The following PDS5A variants were observed in gnomAD, a reference collection of about 807,000 sequenced individuals.
PDS5A encodes PDS5 cohesin associated factor A.
In PDS5A, 42 loss-of-function variants were observed where a neutral mutation model predicts 167.1. The ratio of observed to expected loss-of-function variants is 0.25; its 90% CI spans 0.20 to 0.33. PDS5A has a LOEUF of 0.33. Ranked by LOEUF, PDS5A falls within the 10% of genes least tolerant of loss-of-function variation. PDS5A has a pLI of 1.00. For missense variants in PDS5A, 1,033 were observed against 1,605.9 expected, an observed-to-expected ratio of 0.64 and a Z score of 6.10; for synonymous variants, 553 against 554.6, an observed-to-expected ratio of 1.00 and a Z score of 0.04.
Position 39,900,614 on chromosome 4 carries a change from C to T in PDS5A, c.1500-107G>A, listed in dbSNP as rs542393959. 9 of 692,264 alleles carry T rather than the reference C, an allele frequency of 1.3e-5. No homozygotes were observed. The Admixed American group carries it at 1.4e-4, about 10-fold the overall frequency. The allele number at this position is 692,264 out of a possible 1,614,324, so 42.9% of individuals were successfully genotyped here. A position where few individuals can be genotyped will look rare whatever the true frequency, so the allele number is the denominator to read the frequency against. ...CTGTATATACACCATTCTTCTACAT[C>T]TACCTAAAAGTTTAAATACCGGGAA... On this transcript the variant is annotated intron_variant, in intron 13 of 32. Coordinates refer to ENST00000303538, the MANE Select transcript of PDS5A (RefSeq NM_001100399.2).
At chr4:39,934,270 G>A (rs899940873) in intron 2 of PDS5A, among the ~76,000 whole-genome samples, 5 of 152,170 alleles carry the variant, frequency 3.3e-5, no homozygotes, top group African/African-American at 1.2e-4. Flanking sequence ...GTCTAGTCCT[G>A]TAAGCCTGAA....
chr4:39,881,544 TAACTTA>T (rs1720931318), intron 17 of PDS5A, among the ~76,000 whole-genome samples: 1 of 152,044 alleles, frequency 6.6e-6, no homozygotes, highest in African/African-American at 2.4e-5. Context: ...GTATAAACAT[TAACTTA>T]AAGTATAATA....
intron 18 of PDS5A, among the ~76,000 whole-genome samples, chr4:39,878,595 T>TCAAA (rs1265209924): frequency 1.3e-5 from 2 of 151,978 alleles, no homozygotes; most frequent in South Asian, 2.1e-4. Flanking sequence ...AGACTCCATC[T>TCAAA]CAAACAAACA....
chr4:39,875,858 A>T (rs1327382445), intron 19 of PDS5A, among the ~76,000 whole-genome samples: 2 of 152,162 alleles, frequency 1.3e-5, no homozygotes, highest in East Asian at 3.8e-4. Context: ...ACTGTTGTTA[A>T]ATGTATTATT....
chr4:39,823,178 A>G lies in PDS5A; in HGVS notation c.*2307T>C, dbSNP rs890709848. The G allele has an allele frequency of 6.6e-6, 1 of 152,586 alleles. No individual in the cohort carries two copies. The highest frequency in any genetic ancestry group is 2.4e-5 in the African/African-American group (1 of 41,450). 9.5% of individuals were successfully genotyped at this position (152,586 alleles called of 1,614,324 possible). A position where few individuals can be genotyped will look rare whatever the true frequency, so the allele number is the denominator to read the frequency against. ...TGTGTTGTAGTTCTCTGAGATGTGA[A>G]TACCAAATTCCTAAGGGATTTTAAT... On this transcript the variant is annotated 3_prime_UTR_variant, in exon 33 of 33. Transcript: ENST00000303538.
chr4:39,915,384 G>T, intron 8 of PDS5A, among the ~76,000 whole-genome samples: 1 of 138,858 alleles, frequency 7.2e-6, no homozygotes. Flanking sequence ...GACAAGGTCT[G>T]GGTGTGGCTC....
At chr4:39,930,729 A>ATAGTAAGACTGGTGTCTTAC (rs1725983204) in intron 2 of PDS5A, among the ~76,000 whole-genome samples, 1 of 152,154 alleles carries the variant, frequency 6.6e-6, no homozygotes, top group Non-Finnish European at 1.5e-5. Flanking sequence ...CTAACATAGT[A>ATAGTAAGACTGGTGTCTTAC]TATCAAAAGT....
intron 16 of PDS5A, among the ~76,000 whole-genome samples, 178 bp from the exon 17 acceptor site, chr4:39,890,542 A>C (rs1241493896): frequency 6.6e-6 from 1 of 152,012 alleles, no homozygotes; most frequent in Admixed American, 6.6e-5. Context: ...GACAGCAGAG[A>C]AAAGAAGTGG....
chr4:39,919,799 C>T (rs951646082), intron 7 of PDS5A, among the ~76,000 whole-genome samples: 1 of 151,946 alleles, frequency 6.6e-6, no homozygotes, highest in Non-Finnish European at 1.5e-5. Flanking sequence ...ACAAATTCCT[C>T]AGTAAACCTT....
At chr4:39,900,756 G>T (rs1048449582) in intron 13 of PDS5A, among the ~76,000 whole-genome samples, 4 of 152,184 alleles carry the variant, frequency 2.6e-5, no homozygotes, top group Admixed American at 2.6e-4. Context: ...ATTGAAAGAT[G>T]TACTAAATAC....
chr4:39,829,455 C>T (rs1045176416), intron 32 of PDS5A, among the ~76,000 whole-genome samples: 2 of 151,872 alleles, frequency 1.3e-5, no homozygotes, highest in African/African-American at 4.8e-5. Context: ...TCAGGACCAG[C>T]CTGACCAATA....
At chr4:39,909,168 C>G (rs1723671520) in intron 10 of PDS5A, among the ~76,000 whole-genome samples, 1 of 151,524 alleles carries the variant, frequency 6.6e-6, no homozygotes, top group African/African-American at 2.4e-5. Flanking sequence ...GCCTGTCACC[C>G]AGGCTGGAGT....
chr4:39,898,619 A>C, intron 15 of PDS5A, 91 bp from the exon 16 acceptor site: 2 of 962,876 alleles, frequency 2.1e-6, no homozygotes, highest in South Asian at 3.7e-5. Flanking sequence ...AATATTGCGG[A>C]GCCACTAAAA....
rs199515831 is a variant in PDS5A, at chr4:39,848,909, T to C, written c.3281A>G (p.Asn1094Ser). 9 of 1,606,130 alleles carry C rather than the reference T, an allele frequency of 5.6e-6. No individual in the cohort carries two copies. The highest frequency in any genetic ancestry group is 7.7e-6 in the Non-Finnish European group (9 of 1,174,410). Residue 1094 changes from asparagine (N) to serine (S), a missense_variant, in exon 28 of 33, where the codon AAT becomes AGT. Physicochemically the swap from Asn to Ser is conservative, Grantham distance 46. Transcript: ENST00000303538. Reference protein sequence around the residue: ...CVINSKSALCNADSPKDPVLP... With the variant: ...CVINSKSALCSADSPKDPVLP... The stretch of plus-strand genomic sequence containing the variant: ...GACTGGGTCCTTTGGTGAATCTGCA[T>C]TGCACAAAGCACTTTTACTATTTAT...
chr4:39,889,278 G>GA (rs925133624), intron 17 of PDS5A, among the ~76,000 whole-genome samples: 10 of 152,156 alleles, frequency 6.6e-5, no homozygotes, highest in African/African-American at 2.4e-4. Context: ...GAGGCTTCAG[G>GA]AAAAAAATTA....
intron 2 of PDS5A, 96 bp from the exon 3 acceptor site, chr4:39,928,260 C>CAATCGGTG: frequency 1.4e-6 from 1 of 706,830 alleles, no homozygotes; most frequent in Admixed American, 2.7e-5. Flanking sequence ...TCTCCATTAG[C>CAATCGGTG]AATCGGTGGC....
At chr4:39,829,949 T>TCAAAAAAAAAAA (rs1715687192) in intron 32 of PDS5A, among the ~76,000 whole-genome samples, 1 of 21,378 alleles carries the variant, frequency 4.7e-5, no homozygotes, top group Non-Finnish European at 6.7e-5. Flanking sequence ...AGACTCCAAC[T>TCAAAAAAAAAAA]CAAAAAAAAA....
chr4:39,870,210 CAG>C (rs1719903651), intron 21 of PDS5A, among the ~76,000 whole-genome samples: 1 of 151,966 alleles, frequency 6.6e-6, no homozygotes, highest in Non-Finnish European at 1.5e-5. Context: ...AGAATTAACT[CAG>C]AATTAATCAA....
chr4:39,943,123 TACAC>T (rs35361618), intron 2 of PDS5A, among the ~76,000 whole-genome samples: 4,271 of 144,834 alleles, frequency 0.029, 105 homozygotes, highest in African/African-American at 0.065. Flanking sequence ...ACTATGCAAA[TACAC>T]ACACACACAC....
Sources: gnomAD v4.1 joint callset for allele counts (sites outside exome capture counted in the v4.1 genomes callset) on GRCh38, gnomAD v4.1.1 for gene constraint, MANE v1.5 for transcripts, NCBI Gene and HGNC (gene_info 2026-07-23, HGNC 2026-07-21) for gene names.